Variants in FAM174B observed in about 807,000 individuals in gnomAD.
FAM174B encodes the protein membrane protein FAM174B.
A neutral mutation model predicts 10.9 loss-of-function variants in FAM174B; 12 were observed. The ratio of observed to expected loss-of-function variants is 1.10; its 90% CI spans 0.71 to 1.79. The LOEUF (loss-of-function observed/expected upper bound fraction) is 1.79. Among genes scored for constraint, FAM174B ranks in the 40% most tolerant of loss-of-function variants. The pLI is 0.00. For synonymous variants in FAM174B, 132 were observed against 115.8 expected (o/e 1.14, Z -0.90); for missense variants, 266 against 233.3 (o/e 1.14, Z -0.91).
chr15:92,628,522 G>C (rs1288695537), intron 2 of FAM174B, among the ~76,000 whole-genome samples: 1 of 151,860 alleles, frequency 6.6e-6, no homozygotes, highest in Non-Finnish European at 1.5e-5. Flanking sequence ...TGCAGATGTG[G>C]AACCCTCAGG....
intron 1 of FAM174B, among the ~76,000 whole-genome samples, chr15:92,630,547 T>C (rs2050785918): frequency 6.6e-6 from 1 of 151,890 alleles, no homozygotes; most frequent in African/African-American, 2.4e-5. Context: ...CCCAGGAGAT[T>C]CGGTTAACAC....
At chr15:92,643,648 A>G (rs1214669312) in intron 1 of FAM174B, among the ~76,000 whole-genome samples, 1 of 152,170 alleles carries the variant, frequency 6.6e-6, no homozygotes, top group Non-Finnish European at 1.5e-5. Context: ...CTCTGGCAGG[A>G]GACCCTTCTC....
intron 1 of FAM174B, among the ~76,000 whole-genome samples, chr15:92,644,576 C>T (rs1437748086): frequency 1.3e-5 from 2 of 152,156 alleles, no homozygotes; most frequent in Non-Finnish European, 2.9e-5. Context: ...AGGGCACCCC[C>T]TCCCCACCAC....
intron 1 of FAM174B, chr15:92,634,290 T>C (rs2050838685): frequency 6.6e-6 from 1 of 152,158 alleles, no homozygotes; most frequent in Non-Finnish European, 1.5e-5. Context: ...AAATGCAAAA[T>C]TGGATTAGCA....
At chr15:92,630,826 TTATATATTATA>T (rs1567044687) in intron 1 of FAM174B, among the ~76,000 whole-genome samples, 2 of 26,144 alleles carry the variant, frequency 7.6e-5, no homozygotes, top group South Asian at 1.4e-3. Context: ...ATATTACATA[TTATATATTATA>T]TATATTACAT....
At chr15:92,637,596 T>C (rs2050864223) in intron 1 of FAM174B, among the ~76,000 whole-genome samples, 1 of 152,224 alleles carries the variant, frequency 6.6e-6, no homozygotes, top group African/African-American at 2.4e-5. Flanking sequence ...ATAATTTTCC[T>C]ATATCCTCAA....
rs1261001615 is a variant in FAM174B, at chr15:92,630,302, T to C, written c.388A>G (p.Thr130Ala). The change falls in exon 2 of 3, where the codon ACC becomes GCC. Residue 130 changes from threonine to alanine, a missense_variant. By Grantham distance (58) the Thr-to-Ala change is moderately conservative. Coordinates refer to ENST00000327355, the MANE Select transcript of FAM174B (RefSeq NM_207446.3). ...ATTTCCACTCGCTCTGCTGGAGTGG[T>C]GATGATATCATACTTGCGTGTCTTC... Reference protein sequence around the residue: ...LKKTRKYDIITTPAERVEMAP... With the variant: ...LKKTRKYDIIATPAERVEMAP... 6.2e-7 allele frequency: 1 copy of C among 1,613,240 alleles called. No individual in the cohort carries two copies. Among genetic ancestry groups the C allele is most frequent in the African/African-American group, 1.3e-5 (1 of 74,858 alleles).
intron 2 of FAM174B, among the ~76,000 whole-genome samples, chr15:92,626,631 G>C (rs933697364): frequency 1.3e-5 from 2 of 152,086 alleles, no homozygotes; most frequent in Non-Finnish European, 2.9e-5. Context: ...GGTTCTTTAC[G>C]GCCGATGGTC....
chr15:92,635,708 G>A (rs898797161), intron 1 of FAM174B, among the ~76,000 whole-genome samples: 1 of 151,568 alleles, frequency 6.6e-6, no homozygotes, highest in African/African-American at 2.4e-5. Context: ...AGCCTCCAGA[G>A]CAGCTGGGAT....
chr15:92,629,287 C>T lies in FAM174B; in HGVS notation c.476+927G>A, dbSNP rs1325836400. ...AAAACTATGCTCATCCTCAGCTCTT[C>T]CATTAAGAAGCTCACATATTCAAAG... On this transcript the variant is annotated intron_variant, in intron 2 of 2. Coordinates refer to ENST00000327355, the MANE Select transcript of FAM174B (RefSeq NM_207446.3). Among the ~76,000 whole-genome samples the T allele has an allele frequency of 2.0e-5, 3 of 152,206 alleles. No homozygotes were observed. The South Asian group carries it at 6.2e-4, about 32-fold the overall frequency.
At chr15:92,642,643 G>C (rs1349351639) in intron 1 of FAM174B, among the ~76,000 whole-genome samples, 1 of 152,176 alleles carries the variant, frequency 6.6e-6, no homozygotes, top group African/African-American at 2.4e-5. Flanking sequence ...GGACATGTTT[G>C]CTTCCTCTTC....
chr15:92,633,532 C>T (rs760684750), intron 1 of FAM174B, among the ~76,000 whole-genome samples: 1 of 152,038 alleles, frequency 6.6e-6, no homozygotes, highest in Non-Finnish European at 1.5e-5. Flanking sequence ...AAGCATTTTT[C>T]GTCTCTGCTT....
intron 1 of FAM174B, among the ~76,000 whole-genome samples, chr15:92,650,343 G>A (rs2050957781): frequency 1.3e-5 from 2 of 152,190 alleles, no homozygotes; most frequent in South Asian, 4.1e-4. Context: ...GCTGGGCAAT[G>A]TCAGACCGCT....
At chr15:92,639,449 T>C (rs989499555) in intron 1 of FAM174B, among the ~76,000 whole-genome samples, 7 of 152,168 alleles carry the variant, frequency 4.6e-5, no homozygotes, top group Non-Finnish European at 1.0e-4. Context: ...CCAAAATTCA[T>C]GAGGATGGGA....
At chr15:92,620,036 C>CA (rs1332572786) in intron 2 of FAM174B, 1 of 155,174 alleles carries the variant, frequency 6.4e-6, no homozygotes, top group Non-Finnish European at 1.4e-5. Flanking sequence ...CTGAGCTGTA[C>CA]AAAAACAGAC....
chr15:92,653,286 T>C (rs989635907), intron 1 of FAM174B: 1 of 152,260 alleles, frequency 6.6e-6, no homozygotes, highest in African/African-American at 2.4e-5. Context: ...CACTCCAACA[T>C]GAGTCTCGCA....
At chr15:92,652,077 T>C (rs963747202) in intron 1 of FAM174B, among the ~76,000 whole-genome samples, 1 of 152,228 alleles carries the variant, frequency 6.6e-6, no homozygotes, top group African/African-American at 2.4e-5. Context: ...TTGAGAGACA[T>C]CAGCAATGTA....
At chr15:92,628,572 A>G (rs1468423248) in intron 2 of FAM174B, among the ~76,000 whole-genome samples, 1 of 151,992 alleles carries the variant, frequency 6.6e-6, no homozygotes, top group African/African-American at 2.4e-5. Flanking sequence ...GGTATGAATA[A>G]ATATTACTAA....
intron 1 of FAM174B, among the ~76,000 whole-genome samples, chr15:92,654,456 CAT>C (rs2050987397): frequency 6.6e-6 from 1 of 152,228 alleles, no homozygotes; most frequent in Admixed American, 6.5e-5. Context: ...AATGTCCTTG[CAT>C]TCCTCTTAGC....
Sources: allele counts gnomAD v4.1 joint callset (sites outside exome capture counted in the v4.1 genomes callset), GRCh38; gene constraint gnomAD v4.1.1; transcripts MANE v1.5; gene names NCBI Gene and HGNC (gene_info 2026-07-23, HGNC 2026-07-21).